The following PKD1 variants were observed in gnomAD, a reference collection of about 807,000 sequenced individuals.
PKD1 encodes the protein polycystin-1.
In PKD1, 81 loss-of-function variants were observed where a neutral mutation model predicts 361.7. The observed-to-expected ratio is 0.22, with a 90% confidence interval of 0.19 to 0.27. The LOEUF is 0.27. PKD1 is among the 10% of genes least tolerant of loss of function. The pLI is 1.00. For missense variants in PKD1, 6,399 were observed against 6,118.3 expected (o/e 1.05, Z -1.53); for synonymous variants, 3,615 against 2,818.3 (o/e 1.28, Z -8.95).
chr16:2,105,730 G>A (rs1418407132), intron 20 of PKD1, 135 bp downstream of exon 20: 5 of 1,292,942 alleles, frequency 3.9e-6, no homozygotes, highest in South Asian at 1.2e-5. Context: ...GAAGGTCGGG[G>A]TGCTGCTTCA....
At position 2,089,651 on chromosome 16, in the gene PKD1, G is replaced by A. The variant is rs972083553; in HGVS notation, c.*76C>T. 3 of 1,520,176 alleles carry A rather than the reference G, an allele frequency of 2.0e-6. No homozygotes were observed. The highest frequency in any genetic ancestry group is 2.0e-5 in the Admixed American group (1 of 50,780). 94.2% of individuals were successfully genotyped at this position (1,520,176 alleles called of 1,614,324 possible). On this transcript the variant is annotated 3_prime_UTR_variant, in exon 46 of 46. Coordinates refer to ENST00000262304, the MANE Select transcript of PKD1 (RefSeq NM_001009944.3). ...GTGCAGCCATTCTGCCTGGCCCTCG[G>A]CCTTGACAGCGGCAGAAAGTAATAC...
chr16:2,100,171 G>A lies in PKD1; in HGVS notation c.9707C>T (p.Ala3236Val), dbSNP rs779137772. ...NGGLVEKEVL[A>V]ASDAALLRFR... ...AACATGGAACGAGGCCTTACTCGCG[G>A]CCAGCACCTCCTTCTCCACCAGGCC... Residue 3236 changes from alanine to valine, a missense_variant, in exon 28 of 46, where the codon GCC (alanine) becomes GTC (valine). Physicochemically the swap from Ala to Val is moderately conservative, Grantham distance 64 (BLOSUM62 0). Coordinates refer to ENST00000262304, the MANE Select transcript of PKD1 (RefSeq NM_001009944.3). This position sits in a 1 kb window ranked among gnomAD's most constrained non-coding sequence, Gnocchi z 4.4. The A allele has an allele frequency of 6.8e-6, 11 of 1,608,232 alleles. No individual in the cohort carries two copies. In the African/African-American group the frequency reaches 9.4e-5, roughly 14 times the overall value.
chr16:2,134,607 T>TC (rs2092928351), intron 1 of PKD1, among the ~76,000 whole-genome samples: 1 of 151,748 alleles, frequency 6.6e-6, no homozygotes, highest in African/African-American at 2.4e-5. Flanking sequence ...GCTATGCACA[T>TC]CCCGGCTGTG....
chr16:2,090,430 C>T lies in PKD1; in HGVS notation c.12299G>A (p.Arg4100Gln). Residue 4100 changes from arginine to glutamine, a missense_variant, in exon 45 of 46, where the codon CGG becomes CAG. Arg to Gln is a conservative substitution (Grantham distance 43). Coordinates refer to ENST00000262304, the MANE Select transcript of PKD1 (RefSeq NM_001009944.3). ...LWALRLWGALRLGAVILRWRY... is the reference protein window; with the variant it reads ...LWALRLWGALQLGAVILRWRY... The stretch of plus-strand genomic sequence containing the variant: ...CCAGCGGAGAATAACAGCCCCCAGC[C>T]GTAGGGCGCCCCACAGCCGCAGTGC... 1.2e-6 allele frequency: 2 copies of T among 1,612,570 alleles called. No individual in the cohort carries two copies. The highest frequency in any genetic ancestry group is 1.7e-6 in the Non-Finnish European group (2 of 1,179,878).
chr16:2,100,581 G>A lies in PKD1; in HGVS notation c.9398-15C>T, dbSNP rs1469825797. 1.9e-6 allele frequency: 3 copies of A among 1,606,042 alleles called. No individual in the cohort carries two copies. Among genetic ancestry groups the A allele is most frequent in the East Asian group, 2.2e-5 (1 of 44,834 alleles). On this transcript the variant is annotated splice_polypyrimidine_tract_variant and intron_variant, in intron 26 of 45. Coordinates refer to ENST00000262304, the MANE Select transcript of PKD1 (RefSeq NM_001009944.3). The surrounding 1 kb of genome is among the most constrained non-coding windows in gnomAD (Gnocchi z 4.4). ...GGCCGTGGTACCTGGGAGGCAAGAGGGAGGGGTGGGAGGCTCGGTCTGCTG... is the reference window on the plus strand; with the variant it reads ...GGCCGTGGTACCTGGGAGGCAAGAGAGAGGGGTGGGAGGCTCGGTCTGCTG...
At chr16:2,092,645 G>T in intron 38 of PKD1, 53 bp from the exon 39 acceptor site, 2 of 1,278,494 alleles carry the variant, frequency 1.6e-6, no homozygotes, top group South Asian at 2.5e-5. Flanking sequence ...TGCCCGCCTC[G>T]AGTGAGCGGC....
intron 42 of PKD1, 68 bp downstream of exon 42, chr16:2,091,355 G>A (rs1239857086): frequency 5.6e-6 from 5 of 892,926 alleles, no homozygotes; most frequent in Non-Finnish European, 6.9e-6. Flanking sequence ...CGCTGCCGGG[G>A]CGGGGCCCCG....
At chr16:2,128,870 T>A (rs567793998) in intron 1 of PKD1, among the ~76,000 whole-genome samples, 277 of 142,122 alleles carry the variant, frequency 1.9e-3, no homozygotes, top group Non-Finnish European at 3.3e-3. Flanking sequence ...ACGCTCAGCA[T>A]TTTTTTTTTT....
intron 23 of PKD1, 77 bp downstream of exon 23, chr16:2,103,189 A>G (rs1353592604): frequency 6.9e-7 from 1 of 1,455,582 alleles, no homozygotes. Flanking sequence ...AGAGACACCC[A>G]TGGAAGCCCT....
chr16:2,104,639 G>A lies in PKD1; in HGVS notation c.8020C>T (p.Pro2674Ser), dbSNP rs144557371. The A allele has an allele frequency of 0.013, 20,160 of 1,514,628 alleles. 176 individuals are homozygous for A. The highest frequency in any genetic ancestry group is 0.015 in the Non-Finnish European group (17,177 of 1,109,850). The allele number at this position is 1,514,628 out of a possible 1,614,324, so 93.8% of individuals were successfully genotyped here. A position where few individuals can be genotyped will look rare whatever the true frequency, so the allele number is the denominator to read the frequency against. Residue 2674 changes from proline (P) to serine (S), a missense_variant, in exon 22 of 46, where the codon CCC (proline) becomes TCC (serine). Physicochemically the swap from Pro to Ser is moderately conservative, Grantham distance 74. Transcript: ENST00000262304. ...GAGCGGCATACGAGCTCCCTGCTGG[G>A]CCCCTGTGTGGAGCCAGCAGTGTCC... Reference protein sequence around the residue: ...IAAALAQCMGPSRELVCRSCL... With the variant: ...IAAALAQCMGSSRELVCRSCL...
At position 2,093,639 on chromosome 16, in the gene PKD1, C is replaced by G; in HGVS notation, c.10921G>C (p.Ala3641Pro). The stretch of plus-strand genomic sequence containing the variant: ...GGTGGCCGTACGCGGGGCACACGTG[C>G]GCTCACAGGCGTCACAGCCGGGCTC... ...VESPAVTPVS[A>P]RVPRVRPPHG... The change falls in exon 37 of 46, where the codon GCA (alanine) becomes CCA (proline). Residue 3641 changes from alanine to proline, a missense_variant. Transcript: ENST00000262304. 6.2e-7 allele frequency: 1 copy of G among 1,609,220 alleles called. No individual in the cohort carries two copies. Among genetic ancestry groups the G allele is most frequent in the Non-Finnish European group, 8.5e-7 (1 of 1,178,238 alleles).
rs140757877 is a variant in PKD1 at position 2,093,687 on chromosome 16, C to G, written c.10873G>C (p.Asp3625His). ...FSLVAKRLHPDEDDTLVESPA... is the reference protein window; with the variant it reads ...FSLVAKRLHPHEDDTLVESPA... ...CTCTCTACCAGGGTGTCATCTTCAT[C>G]CGGGTGCAGCCGCTTGGCCACCAGT... The change falls in exon 37 of 46, where the codon GAT becomes CAT. Residue 3625 changes from aspartate (D) to histidine (H), a missense_variant. Transcript: ENST00000262304. 9 of 1,602,274 alleles carry G rather than the reference C, an allele frequency of 5.6e-6. No individual in the cohort carries two copies. Among genetic ancestry groups the G allele is most frequent in the African/African-American group, 1.3e-5 (1 of 74,688 alleles).
rs561052460 is a variant in PKD1 at position 2,101,980 on chromosome 16, G to T, written c.9397+81C>A. The T allele has an allele frequency of 2.4e-3, 2,078 of 852,424 alleles. 7 individuals are homozygous for T. Among genetic ancestry groups the T allele is most frequent in the Middle Eastern group, 4.0e-3 (12 of 3,008 alleles). The allele number at this position is 852,424 out of a possible 1,614,324, so 52.8% of individuals were successfully genotyped here. A position where few individuals can be genotyped will look rare whatever the true frequency, so the allele number is the denominator to read the frequency against. On this transcript the variant is annotated intron_variant, in intron 26 of 45. Transcript: ENST00000262304. ...AAAACTGCCTTGTTCTGACGCCTGCGACGAGACTCACTCCCAGAGGGTGCA... is the reference window on the plus strand; with the variant it reads ...AAAACTGCCTTGTTCTGACGCCTGCTACGAGACTCACTCCCAGAGGGTGCA...
rs1005925235 is a variant in PKD1 at position 2,091,653 on chromosome 16, C to T, written c.11538-56G>A. 3.9e-6 allele frequency: 6 copies of T among 1,555,588 alleles called. No individual in the cohort carries two copies. In the African/African-American group the frequency reaches 5.4e-5, roughly 14 times the overall value. ...GGTGGCAGGGCGGGAGCTGCGGGGA[C>T]CGCGCAGTGCAGGCGTGGCTGAGGG... On this transcript the variant is annotated intron_variant, in intron 41 of 45. Coordinates refer to ENST00000262304, the MANE Select transcript of PKD1 (RefSeq NM_001009944.3).
Position 2,105,970 on chromosome 16 carries a change from G to A in PKD1, c.7758C>T (p.Val2586=), listed in dbSNP as rs758100518. ...CACTAGCGGTGAGCCCGTGCAGCCAGACTGTGAGCCCCGTTGCGCTGCCGT... is the reference window on the plus strand; with the variant it reads ...CACTAGCGGTGAGCCCGTGCAGCCAAACTGTGAGCCCCGTTGCGCTGCCGT... ...EPNGSATGLT[V]WLHGLTASVL... Residue 2586 remains valine, a synonymous_variant, in exon 20 of 46, where the codon GTC becomes GTT. Coordinates refer to ENST00000262304, the MANE Select transcript of PKD1 (RefSeq NM_001009944.3). 15 of 1,601,484 alleles carry A rather than the reference G, an allele frequency of 9.4e-6. No homozygotes were observed. The highest frequency in any genetic ancestry group is 2.2e-5 in the East Asian group (1 of 44,868).
At chr16:2,123,912 C>A (rs896968592) in intron 1 of PKD1, among the ~76,000 whole-genome samples, 1 of 152,188 alleles carries the variant, frequency 6.6e-6, no homozygotes, top group Admixed American at 6.5e-5. Flanking sequence ...AGTACACCCC[C>A]ATGGGGGGCA....
chr16:2,089,908 T>C lies in PKD1; in HGVS notation c.12731A>G (p.His4244Arg), dbSNP rs750717038. 1.2e-6 allele frequency: 2 copies of C among 1,611,704 alleles called. No individual in the cohort carries two copies. The highest frequency in any genetic ancestry group is 1.7e-6 in the Non-Finnish European group (2 of 1,179,646). ...EDVYQLEQQLHSLQGRRSSRA... is the reference protein window; with the variant it reads ...EDVYQLEQQLRSLQGRRSSRA... ...GCTGCTCCTGCGGCCTTGCAGGCTG[T>C]GCAGCTGCTGCTCCAGCTGGTAGAC... is the stretch of plus-strand genomic sequence containing the variant. Residue 4244 changes from histidine to arginine, a missense_variant, in exon 46 of 46, where the codon CAC becomes CGC. His to Arg is a conservative substitution (Grantham distance 29, BLOSUM62 0). Coordinates refer to ENST00000262304, the MANE Select transcript of PKD1 (RefSeq NM_001009944.3).
chr16:2,112,808 C>A lies in PKD1; in HGVS notation c.3141G>T (p.Ser1047=), dbSNP rs562246638. 1 of 1,598,474 alleles carries A rather than the reference C, an allele frequency of 6.3e-7. No homozygotes were observed. Among genetic ancestry groups the A allele is most frequent in the Admixed American group, 1.7e-5 (1 of 59,996 alleles). ...CTCACAGGAAGGCCACCTCCACGGC[C>A]GAGTCCACCAGCACGCCCGCCGTCA... is the stretch of plus-strand genomic sequence containing the variant. ...LALTAGVLVD[S]AVEVAFLWTF... Residue 1047 remains serine (S), a synonymous_variant, in exon 13 of 46, where the codon TCG becomes TCT. Transcript: ENST00000262304.
Position 2,105,302 on chromosome 16 carries a change from A to G in PKD1, c.8016+20T>C, listed in dbSNP as rs765920379. On this transcript the variant is annotated intron_variant, in intron 21 of 45. Coordinates refer to ENST00000262304, the MANE Select transcript of PKD1 (RefSeq NM_001009944.3). ...CCTGGCAGGCATGCGGGGCAGGGTGAGCAGGTGGGGCCATCCTACCATGCA... is the reference window on the plus strand; with the variant it reads ...CCTGGCAGGCATGCGGGGCAGGGTGGGCAGGTGGGGCCATCCTACCATGCA... The G allele has an allele frequency of 2.5e-6, 4 of 1,593,594 alleles. No individual in the cohort carries two copies. Among genetic ancestry groups the G allele is most frequent in the African/African-American group, 1.3e-5 (1 of 74,456 alleles).
Sources: gnomAD v4.1 joint callset for allele counts (sites outside exome capture counted in the v4.1 genomes callset) on GRCh38, gnomAD v4.1.1 for gene constraint, Gnocchi (gnomAD v3.1) non-coding constraint, MANE v1.5 for transcripts, NCBI Gene and HGNC (gene_info 2026-07-23, HGNC 2026-07-21) for gene names.